The following BLTP2 variants were observed in gnomAD, a reference collection of about 807,000 sequenced individuals.
The protein encoded by BLTP2 is U937-associated antigen.
At chr17:28,629,182 T>G in the BLTP2 span, among the ~76,000 whole-genome samples, 1 of 152,132 alleles carries the variant, frequency 6.6e-6, no homozygotes, top group East Asian at 1.9e-4. Flanking sequence ...TAGCTGGGAC[T>G]ACGGGCACAA....
chr17:28,628,181 G>C, the BLTP2 span: 6 of 1,171,846 alleles, frequency 5.1e-6, no homozygotes, highest in Non-Finnish European at 7.4e-6. Flanking sequence ...GAAGCACCAT[G>C]ACTCAGTCCT....
the BLTP2 span, chr17:28,644,940 C>T: frequency 6.7e-7 from 1 of 1,493,366 alleles, no homozygotes; most frequent in African/African-American, 1.4e-5. Context: ...CTCTCCGCCC[C>T]CTCCCTCCCG....
chr17:28,639,613 G>A, the BLTP2 span: 10 of 1,614,036 alleles, frequency 6.2e-6, no homozygotes, highest in Middle Eastern at 1.6e-4. Context: ...CAGACAATGC[G>A]TTGGCGACTC....
chr17:28,641,798 T>C, the BLTP2 span: 1 of 1,126,766 alleles, frequency 8.9e-7, no homozygotes, highest in Non-Finnish European at 1.3e-6. Context: ...GTGAATCACA[T>C]CTAAATAAGC....
chr17:28,643,061 G>T, the BLTP2 span: 1 of 1,535,460 alleles, frequency 6.5e-7, no homozygotes, highest in Non-Finnish European at 9.0e-7. Flanking sequence ...GAGAAAGAGG[G>T]GCAGCTCTTA....
chr17:28,643,575 C>G, the BLTP2 span: 5 of 1,598,338 alleles, frequency 3.1e-6, no homozygotes, highest in Middle Eastern at 8.3e-4. Flanking sequence ...CCAAAGTACT[C>G]TTCTAGGGGA....
the BLTP2 span, among the ~76,000 whole-genome samples, chr17:28,617,877 C>T: frequency 1.3e-5 from 2 of 151,940 alleles, no homozygotes; most frequent in East Asian, 1.9e-4. Flanking sequence ...GATTCTCCTG[C>T]TTCAGCCTCC....
chr17:28,627,336 G>A, the BLTP2 span, among the ~76,000 whole-genome samples: 3 of 151,946 alleles, frequency 2.0e-5, no homozygotes, highest in Non-Finnish European at 4.4e-5. Context: ...TTCAAGGCCT[G>A]GCTCAAATGC....
chr17:28,619,420 C>T, the BLTP2 span, among the ~76,000 whole-genome samples: 1 of 151,924 alleles, frequency 6.6e-6, no homozygotes, highest in Non-Finnish European at 1.5e-5. Flanking sequence ...TGCTTGAGCC[C>T]GGGAGTTCCA....
the BLTP2 span, chr17:28,628,126 T>C: frequency 1.4e-6 from 1 of 708,052 alleles, no homozygotes; most frequent in Non-Finnish European, 2.4e-6. Flanking sequence ...AAGACTTAGG[T>C]GGCCTAAGAA....
chr17:28,633,962 C>A, the BLTP2 span: 6 of 1,614,006 alleles, frequency 3.7e-6, no homozygotes, highest in South Asian at 5.5e-5. Flanking sequence ...CCCACGGAAG[C>A]CCCAAGTGCA....
At chr17:28,639,126 G>C in the BLTP2 span, 7 of 628,600 alleles carry the variant, frequency 1.1e-5, no homozygotes, top group Non-Finnish European at 1.4e-5. Flanking sequence ...TAAAAACAAA[G>C]AGGACAGCAT....
the BLTP2 span, among the ~76,000 whole-genome samples, chr17:28,640,969 A>G: frequency 1.3e-5 from 2 of 152,262 alleles, no homozygotes; most frequent in Non-Finnish European, 2.9e-5. Context: ...GACTGCCTGT[A>G]TGACTTCAGT....
chr17:28,642,085 GGAT>G, the BLTP2 span: 2 of 1,612,816 alleles, frequency 1.2e-6, no homozygotes, highest in South Asian at 1.1e-5. Flanking sequence ...CCTCCTGTGG[GGAT>G]GATAAGCCTC....
At chr17:28,640,815 A>G in the BLTP2 span, 1 of 767,430 alleles carries the variant, frequency 1.3e-6, no homozygotes, top group Non-Finnish European at 2.1e-6. Context: ...TGGATGGACC[A>G]TAAGGCGAAT....
the BLTP2 span, chr17:28,621,531 T>C: frequency 1.3e-6 from 2 of 1,534,906 alleles, no homozygotes; most frequent in Non-Finnish European, 1.8e-6. Context: ...CTTTAGCTCC[T>C]GGGAAAAGAG....
the BLTP2 span, chr17:28,641,845 C>T: frequency 6.5e-7 from 1 of 1,545,730 alleles, no homozygotes; most frequent in South Asian, 1.2e-5. Flanking sequence ...CAAAACAAAC[C>T]CTGAGAACAA....
the BLTP2 span, chr17:28,619,603 C>A: frequency 1.7e-5 from 28 of 1,609,268 alleles, no homozygotes; most frequent in Non-Finnish European, 2.2e-5. Flanking sequence ...AGAAAGAGAA[C>A]TGCCTCTAGC....
the BLTP2 span, among the ~76,000 whole-genome samples, chr17:28,629,802 A>G: frequency 6.6e-6 from 1 of 151,776 alleles, no homozygotes; most frequent in Non-Finnish European, 1.5e-5. Context: ...TTTAGTAGAG[A>G]CAGGGTTTCA....
Sources: gnomAD v4.1 joint callset for allele counts (sites outside exome capture counted in the v4.1 genomes callset) on GRCh38, gnomAD v4.1.1 for gene constraint, MANE v1.5 for transcripts, NCBI Gene and HGNC (gene_info 2026-07-23, HGNC 2026-07-21) for gene names.